Variants in SLC24A2 observed in about 807,000 individuals in gnomAD.
SLC24A2 encodes sodium/potassium/calcium exchanger 2.
In SLC24A2, 36 loss-of-function variants were observed where a neutral mutation model predicts 62.0. That is an observed-to-expected ratio of 0.58 (90% CI 0.44 to 0.77). The LOEUF is 0.77. Among genes scored for constraint, SLC24A2 ranks in the 30% least tolerant of loss-of-function variants. The pLI, the probability that SLC24A2 is intolerant of heterozygous loss-of-function variation, is 0.00. For missense variants in SLC24A2, 846 were observed against 817.9 expected (o/e 1.03, Z -0.42); for synonymous variants, 358 against 294.0 (o/e 1.22, Z -2.23).
the SLC24A2 span, among the ~76,000 whole-genome samples, chr9:20,161,087 T>A: frequency 2.8e-4 from 42 of 151,550 alleles, 1 homozygote; most frequent in African/African-American, 9.6e-4. Flanking sequence ...CTTTAAAAAA[T>A]TATGAAATAC....
chr9:19,728,378 T>C (rs920153731), intron 2 of SLC24A2, among the ~76,000 whole-genome samples: 1 of 151,968 alleles, frequency 6.6e-6, no homozygotes, highest in African/African-American at 2.4e-5. Flanking sequence ...TGATATCTCA[T>C]AAATTCAGGC....
chr9:19,884,909 A>AT, the SLC24A2 span, among the ~76,000 whole-genome samples: 70 of 152,182 alleles, frequency 4.6e-4, 1 homozygote, highest in East Asian at 0.013. Flanking sequence ...TTGACTTAGG[A>AT]TTTTTTCAAC....
intron 5 of SLC24A2, among the ~76,000 whole-genome samples, chr9:19,581,652 G>T (rs985677638): frequency 6.6e-6 from 1 of 152,216 alleles, no homozygotes; most frequent in Non-Finnish European, 1.5e-5. Flanking sequence ...TTACTGAAAA[G>T]AAGATTGATA....
chr9:19,564,499 C>G (rs1393139121), intron 7 of SLC24A2, among the ~76,000 whole-genome samples: 1 of 151,604 alleles, frequency 6.6e-6, no homozygotes, highest in Non-Finnish European at 1.5e-5. Flanking sequence ...TACACATTCT[C>G]TGTCTTCAGT....
At chr9:20,025,173 T>C in the SLC24A2 span, among the ~76,000 whole-genome samples, 1 of 152,220 alleles carries the variant, frequency 6.6e-6, no homozygotes, top group Non-Finnish European at 1.5e-5. Context: ...ATGCTTGTCA[T>C]GACTCACTAA....
chr9:19,735,789 A>G (rs912007663), intron 2 of SLC24A2, among the ~76,000 whole-genome samples: 3 of 151,660 alleles, frequency 2.0e-5, no homozygotes, highest in Admixed American at 1.3e-4. Context: ...GTTCTCATTC[A>G]TAGGTGGGAA....
At chr9:20,199,617 G>A in the SLC24A2 span, among the ~76,000 whole-genome samples, 5 of 151,990 alleles carry the variant, frequency 3.3e-5, no homozygotes, top group African/African-American at 1.2e-4. Context: ...AAAGAAAAAA[G>A]GAGAAAAAAG....
At chr9:19,529,586 T>C (rs948943505) in intron 8 of SLC24A2, among the ~76,000 whole-genome samples, 7 of 151,968 alleles carry the variant, frequency 4.6e-5, no homozygotes, top group Admixed American at 4.6e-4. Flanking sequence ...CCACAGTGAG[T>C]AGCCAAAACC....
the SLC24A2 span, among the ~76,000 whole-genome samples, chr9:20,245,083 T>G: frequency 1.3e-5 from 2 of 152,094 alleles, no homozygotes; most frequent in African/African-American, 4.8e-5. Context: ...TAAAAAAAAA[T>G]TATTGAACTG....
At chr9:19,905,955 C>T in the SLC24A2 span, among the ~76,000 whole-genome samples, 2 of 152,166 alleles carry the variant, frequency 1.3e-5, no homozygotes, top group African/African-American at 4.8e-5. Context: ...AGGAATTGAA[C>T]TCAGCTCTGC....
chr9:20,230,876 G>T, the SLC24A2 span, among the ~76,000 whole-genome samples: 17 of 152,038 alleles, frequency 1.1e-4, no homozygotes, highest in Non-Finnish European at 2.1e-4. Context: ...GGTCTAACAT[G>T]TAAGTCTTTA....
the SLC24A2 span, among the ~76,000 whole-genome samples, chr9:19,954,286 T>C: frequency 6.6e-6 from 1 of 152,094 alleles, no homozygotes; most frequent in Non-Finnish European, 1.5e-5. Context: ...GAGAAGGATC[T>C]AGCTATGGAA....
chr9:19,688,264 T>C (rs1819942851), intron 2 of SLC24A2, among the ~76,000 whole-genome samples: 2 of 152,122 alleles, frequency 1.3e-5, no homozygotes, highest in African/African-American at 4.8e-5. Flanking sequence ...TTACTGATTG[T>C]GTGGCTTTAG....
chr9:20,236,121 G>C, the SLC24A2 span, among the ~76,000 whole-genome samples: 1 of 152,160 alleles, frequency 6.6e-6, no homozygotes, highest in Non-Finnish European at 1.5e-5. Flanking sequence ...TTTTAATAAA[G>C]TATCTATCAG....
the SLC24A2 span, among the ~76,000 whole-genome samples, chr9:20,251,725 G>A: frequency 6.6e-6 from 1 of 152,170 alleles, no homozygotes; most frequent in Non-Finnish European, 1.5e-5. Context: ...TGAAACCAGA[G>A]ATTTAGAAGT....
chr9:19,953,211 G>T, the SLC24A2 span, among the ~76,000 whole-genome samples: 1 of 151,940 alleles, frequency 6.6e-6, no homozygotes. Flanking sequence ...TTTTCCCAAA[G>T]AATATTTTTT....
the SLC24A2 span, among the ~76,000 whole-genome samples, chr9:20,181,676 C>CA: frequency 2.0e-5 from 3 of 152,128 alleles, no homozygotes; most frequent in Admixed American, 1.3e-4. Flanking sequence ...TAAAACCATA[C>CA]AAATGCTAGA....
At chr9:19,746,068 C>A (rs534357175) in intron 2 of SLC24A2, among the ~76,000 whole-genome samples, 2 of 151,416 alleles carry the variant, frequency 1.3e-5, no homozygotes, top group African/African-American at 2.4e-5. Context: ...CTACCACTGA[C>A]ATCATGCATT....
At chr9:20,100,138 C>T in the SLC24A2 span, among the ~76,000 whole-genome samples, 4 of 152,082 alleles carry the variant, frequency 2.6e-5, no homozygotes, top group Admixed American at 1.3e-4. Flanking sequence ...GCTTCCCTGC[C>T]ATAGCTGGGA....
Sources: gnomAD v4.1 joint callset for allele counts (sites outside exome capture counted in the v4.1 genomes callset) on GRCh38, gnomAD v4.1.1 for gene constraint, MANE v1.5 for transcripts, NCBI Gene and HGNC (gene_info 2026-07-23, HGNC 2026-07-21) for gene names.